Variants in MAD1L1 observed in about 807,000 individuals in gnomAD.
The protein encoded by MAD1L1 is mitotic arrest deficient 1 like 1.
In MAD1L1, 95 loss-of-function variants were observed where a neutral mutation model predicts 96.9. That is an observed-to-expected ratio of 0.98 (90% CI 0.83 to 1.16). The LOEUF (loss-of-function observed/expected upper bound fraction) is 1.16. Ranked by LOEUF, MAD1L1 falls within the 50% of genes most tolerant of loss-of-function variation. The pLI is 0.00. For synonymous variants in MAD1L1, 473 were observed against 396.6 expected (o/e 1.19, Z -2.29); for missense variants, 1,007 against 954.4 (o/e 1.06, Z -0.73).
intron 12 of MAD1L1, among the ~76,000 whole-genome samples, chr7:2,052,506 C>T (rs1352478824): frequency 2.0e-5 from 3 of 148,354 alleles, no homozygotes; most frequent in African/African-American, 2.6e-5. Context: ...GGGCTGGACA[C>T]TCACTGGGGC....
chr7:2,072,286 G>A (rs1222328664), intron 11 of MAD1L1, among the ~76,000 whole-genome samples: 1 of 152,182 alleles, frequency 6.6e-6, no homozygotes, highest in Non-Finnish European at 1.5e-5. Context: ...CCCACATCTG[G>A]TCAGAGTCTT....
chr7:2,181,717 G>A (rs1791207354), intron 10 of MAD1L1, among the ~76,000 whole-genome samples: 1 of 152,102 alleles, frequency 6.6e-6, no homozygotes, highest in East Asian at 1.9e-4. Flanking sequence ...AAAGACACGT[G>A]CACACGCATG....
intron 18 of MAD1L1, among the ~76,000 whole-genome samples, chr7:1,886,597 G>A (rs550809229): frequency 3.3e-5 from 5 of 152,270 alleles, no homozygotes; most frequent in African/African-American, 9.6e-5. Flanking sequence ...GCAAACAGGC[G>A]TGTGGGCGTG....
At chr7:2,191,423 C>T (rs1584512764) in intron 10 of MAD1L1, among the ~76,000 whole-genome samples, 1 of 152,122 alleles carries the variant, frequency 6.6e-6, no homozygotes, top group Admixed American at 6.6e-5. Context: ...TTTGTTTTTA[C>T]TTTTTTAATA....
At chr7:2,167,480 C>T (rs996504622) in intron 10 of MAD1L1, among the ~76,000 whole-genome samples, 4 of 151,922 alleles carry the variant, frequency 2.6e-5, no homozygotes, top group Non-Finnish European at 4.4e-5. Context: ...ACCCGGGAGG[C>T]GGAGCTTGCA....
chr7:2,000,542 AC>A (rs1337126218), intron 14 of MAD1L1, among the ~76,000 whole-genome samples: 1 of 151,896 alleles, frequency 6.6e-6, no homozygotes, highest in African/African-American at 2.4e-5. Flanking sequence ...CACCATTTCC[AC>A]CACCAACAGT....
intron 10 of MAD1L1, among the ~76,000 whole-genome samples, chr7:2,192,438 G>T (rs1423983833): frequency 6.6e-6 from 1 of 152,152 alleles, no homozygotes; most frequent in Admixed American, 6.6e-5. Context: ...GGCCAAATCT[G>T]CGTTTTAAGC....
chr7:1,916,014 T>C (rs1788366765), intron 17 of MAD1L1, among the ~76,000 whole-genome samples: 1 of 152,234 alleles, frequency 6.6e-6, no homozygotes, highest in South Asian at 2.1e-4. Context: ...GTAGGTATTT[T>C]GCAGAAGATG....
At chr7:1,986,652 C>T (rs549518580) in intron 14 of MAD1L1, among the ~76,000 whole-genome samples, 38 of 152,332 alleles carry the variant, frequency 2.5e-4, no homozygotes, top group African/African-American at 6.5e-4. Context: ...TCCTGCACCA[C>T]GGGCTTCCTG....
intron 11 of MAD1L1, among the ~76,000 whole-genome samples, chr7:2,101,171 G>C (rs1786763099): frequency 6.6e-6 from 1 of 152,224 alleles, no homozygotes; most frequent in South Asian, 2.1e-4. Flanking sequence ...AAAAACCCTA[G>C]TTTCCACTGT....
rs936928428 is a variant in MAD1L1 at position 2,146,030 on chromosome 7, AG to A, written c.1073+3121del. Among the ~76,000 whole-genome samples, 1 of 152,238 alleles carries A rather than the reference AG, an allele frequency of 6.6e-6. No individual in the cohort carries two copies. Among genetic ancestry groups the A allele is most frequent in the African/African-American group, 2.4e-5 (1 of 41,462 alleles). ...AGAGAAGGAAAGTTACACAACACCC[AG>A]GAAGTGCATCAAGACTGCGTGGTGT... On this transcript the variant is annotated intron_variant, in intron 11 of 18. Transcript: ENST00000265854. This position sits in a 1 kb window ranked among gnomAD's most constrained non-coding sequence, Gnocchi z 6.2.
intron 10 of MAD1L1, among the ~76,000 whole-genome samples, chr7:2,178,898 A>AG (rs200641703): frequency 0.037 from 5,639 of 151,614 alleles, 263 homozygotes; most frequent in African/African-American, 0.11. Flanking sequence ...CAAAAAAAAA[A>AG]AAAAGAAAAG....
chr7:1,818,587 T>G (rs1265591934), intron 18 of MAD1L1, among the ~76,000 whole-genome samples: 1 of 150,934 alleles, frequency 6.6e-6, no homozygotes, highest in Non-Finnish European at 1.5e-5. Flanking sequence ...TTAGCTATTT[T>G]GCCCAGGCTG....
At chr7:1,985,721 C>A (rs549103350) in intron 14 of MAD1L1, among the ~76,000 whole-genome samples, 2 of 152,174 alleles carry the variant, frequency 1.3e-5, no homozygotes, top group Non-Finnish European at 2.9e-5. Context: ...ACTCTTGCTG[C>A]GGGTTCTTTA....
At chr7:2,139,998 C>G (rs990662708) in intron 11 of MAD1L1, among the ~76,000 whole-genome samples, 60 of 144,072 alleles carry the variant, frequency 4.2e-4, no homozygotes, top group African/African-American at 1.7e-3. Flanking sequence ...CCCGCCCCCC[C>G]CCAGTCCCTG....
At chr7:1,946,449 C>T (rs2128469295) in intron 16 of MAD1L1, among the ~76,000 whole-genome samples, 1 of 152,234 alleles carries the variant, frequency 6.6e-6, no homozygotes, top group East Asian at 1.9e-4. Flanking sequence ...GGGAAAATGG[C>T]TATAATCTTC....
At chr7:2,231,395 A>G (rs935238161) in intron 1 of MAD1L1, among the ~76,000 whole-genome samples, 4 of 152,144 alleles carry the variant, frequency 2.6e-5, no homozygotes, top group African/African-American at 4.8e-5. Context: ...CAAGATGGGC[A>G]GATCACCACA....
intron 17 of MAD1L1, among the ~76,000 whole-genome samples, chr7:1,925,760 A>C (rs561359464): frequency 1.3e-5 from 2 of 152,368 alleles, no homozygotes; most frequent in South Asian, 2.1e-4. Context: ...ACATTATCAA[A>C]ATGTGTGAAA....
intron 11 of MAD1L1, among the ~76,000 whole-genome samples, chr7:2,073,855 C>A (rs1011203998): frequency 6.6e-6 from 1 of 152,180 alleles, no homozygotes. Context: ...ACATTCCCGG[C>A]TGAGGGACGG....
Sources: allele counts gnomAD v4.1 joint callset (sites outside exome capture counted in the v4.1 genomes callset), GRCh38; gene constraint gnomAD v4.1.1; non-coding constraint Gnocchi (gnomAD v3.1); transcripts MANE v1.5; gene names NCBI Gene and HGNC (gene_info 2026-07-23, HGNC 2026-07-21).